DOT1L: variants seen among roughly 807,000 people sequenced by gnomAD.
DOT1L encodes DOT1 like histone lysine methyltransferase.
DOT1L carries 33 observed loss-of-function variants against 153.3 expected under a neutral mutation model. The ratio of observed to expected loss-of-function variants is 0.22; its 90% CI spans 0.16 to 0.29. The LOEUF is 0.29. Ranked by LOEUF, DOT1L falls within the 10% of genes least tolerant of loss-of-function variation. DOT1L has a pLI of 1.00. For synonymous variants in DOT1L, 1,135 were observed against 965.1 expected (o/e 1.18, Z -3.26); for missense variants, 1,847 against 2,119.9 (o/e 0.87, Z 2.53).
chr19:2,219,462 G>A (rs546857299), intron 22 of DOT1L, among the ~76,000 whole-genome samples: 184 of 152,322 alleles, frequency 1.2e-3, no homozygotes, highest in African/African-American at 4.2e-3. Context: ...CTCTTGGCAC[G>A]TGAGGGCATT....
At chr19:2,186,716 A>G (rs954330939) in intron 3 of DOT1L, among the ~76,000 whole-genome samples, 1 of 152,178 alleles carries the variant, frequency 6.6e-6, no homozygotes, top group Non-Finnish European at 1.5e-5. Context: ...AGCCCTGCCC[A>G]TTCCCTGGTC....
chr19:2,174,435 C>T (rs2021805432), intron 1 of DOT1L, among the ~76,000 whole-genome samples: 1 of 152,068 alleles, frequency 6.6e-6, no homozygotes, highest in Non-Finnish European at 1.5e-5. Context: ...ATCTGTAATC[C>T]CAGGACTTGG....
At chr19:2,229,328 C>T (rs934248120) in intron 27 of DOT1L, 31 of 985,444 alleles carry the variant, frequency 3.1e-5, no homozygotes, top group Middle Eastern at 1.0e-3. Flanking sequence ...TGGCCTTCTG[C>T]CTCAGGGGCC....
intron 22 of DOT1L, among the ~76,000 whole-genome samples, chr19:2,218,531 C>G (rs981209258): frequency 8.7e-5 from 12 of 137,700 alleles, no homozygotes; most frequent in Non-Finnish European, 1.7e-4. Flanking sequence ...GTAGCTGGGA[C>G]TACAGGCGCC....
Position 2,190,122 on chromosome 19 carries a change from C to T in DOT1L, c.264+327C>T, listed in dbSNP as rs935478625. Reference sequence around the variant, plus strand: ...GCAGAGGCGGGGTCCCTGTCCTCCCCGGGCTGTGTGAATGCCGGCCTTCCC... The same window carrying T: ...GCAGAGGCGGGGTCCCTGTCCTCCCTGGGCTGTGTGAATGCCGGCCTTCCC... On this transcript the variant is annotated intron_variant, in intron 4 of 27. Coordinates refer to ENST00000398665, the MANE Select transcript of DOT1L (RefSeq NM_032482.3). This position sits in a 1 kb window ranked among gnomAD's most constrained non-coding sequence, Gnocchi z 4.8. Among the ~76,000 whole-genome samples the T allele has an allele frequency of 1.3e-5, 2 of 152,034 alleles. No homozygotes were observed. Among genetic ancestry groups the T allele is most frequent in the Non-Finnish European group, 1.5e-5 (1 of 67,984 alleles).
chr19:2,175,524 T>A (rs1484227288), intron 1 of DOT1L, among the ~76,000 whole-genome samples: 1 of 152,186 alleles, frequency 6.6e-6, no homozygotes, highest in Admixed American at 6.6e-5. Flanking sequence ...TATCATTTTA[T>A]CATGTAATTA....
intron 15 of DOT1L, 69 bp downstream of exon 15, chr19:2,211,281 T>A: frequency 7.2e-7 from 1 of 1,379,984 alleles, no homozygotes; most frequent in Non-Finnish European, 9.9e-7. Context: ...CCGTGGGTTG[T>A]GACGCTGACC....
At chr19:2,165,721 A>G (rs762823160) in intron 1 of DOT1L, among the ~76,000 whole-genome samples, 15 of 152,072 alleles carry the variant, frequency 9.9e-5, no homozygotes, top group Middle Eastern at 3.4e-3. Context: ...CTGAAGATCA[A>G]TTGAGGTGGC....
Position 2,222,137 on chromosome 19 carries a change from C to T in DOT1L, c.2968C>T (p.Leu990=), listed in dbSNP as rs2144902692. Residue 990 remains leucine (L), a synonymous_variant, in exon 24 of 28, where the codon CTG becomes TTG. Transcript: ENST00000398665. This position sits in a 1 kb window ranked among gnomAD's most constrained non-coding sequence, Gnocchi z 6.5. ...SRSSTPQHPL[L]LAQPRNSLPA... is the part of the protein sequence containing the mutation. The stretch of plus-strand genomic sequence containing the variant: ...CAGCTCCACGCCACAGCACCCCCTG[C>T]TGCTGGCACAGCCCCGGAACTCGCT... The T allele has an allele frequency of 6.2e-7, 1 of 1,613,230 alleles. No homozygotes were observed. The highest frequency in any genetic ancestry group is 1.3e-5 in the African/African-American group (1 of 75,070).
chr19:2,216,646 G>T lies in DOT1L; in HGVS notation c.2289G>T (p.Leu763=), dbSNP rs376805051. ...TCGGCCGGCCGCGCCTGGAGAAGCT[G>T]TCTGGCCTAGCCGCACCCGACTACA... ...SHVGRPRLEK[L]SGLAAPDYTR... Residue 763 remains leucine (L), a synonymous_variant, in exon 20 of 28, where the codon CTG becomes CTT. Transcript: ENST00000398665. 6.2e-7 allele frequency: 1 copy of T among 1,605,328 alleles called. No homozygotes were observed. The highest frequency in any genetic ancestry group is 2.2e-5 in the East Asian group (1 of 44,876).
rs567228443 is a variant in DOT1L, at chr19:2,217,743, A to G, written c.2545-29A>G. On this transcript the variant is annotated intron_variant, in intron 21 of 27. Transcript: ENST00000398665. This position sits in a 1 kb window ranked among gnomAD's most constrained non-coding sequence, Gnocchi z 7.3. ...GTGTCCTGGAGGGGTTTGTTGACCC[A>G]CGACTGGGGGTCGGGCCTTCGTCTG... 6.3e-7 allele frequency: 1 copy of G among 1,583,200 alleles called. No homozygotes were observed. Among genetic ancestry groups the G allele is most frequent in the African/African-American group, 1.3e-5 (1 of 74,186 alleles).
chr19:2,225,089 G>C (rs993677858), intron 25 of DOT1L, among the ~76,000 whole-genome samples: 9 of 152,220 alleles, frequency 5.9e-5, no homozygotes, highest in Admixed American at 1.3e-4. Flanking sequence ...TCACACTTCT[G>C]TGTGCTGGGA....
chr19:2,201,310 A>C (rs1202050466), intron 8 of DOT1L, among the ~76,000 whole-genome samples: 1 of 111,568 alleles, frequency 9.0e-6, no homozygotes, highest in African/African-American at 3.5e-5. Flanking sequence ...TGTATTCCTC[A>C]TTCTCCCTGC....
chr19:2,225,372 C>CT lies in DOT1L; in HGVS notation c.3597-9dup. The CT allele has an allele frequency of 6.2e-7, 1 of 1,613,092 alleles. No individual in the cohort carries two copies. Among genetic ancestry groups the CT allele is most frequent in the Admixed American group, 1.7e-5 (1 of 60,018 alleles). On this transcript the variant is annotated splice_polypyrimidine_tract_variant and intron_variant, in intron 25 of 27. Transcript: ENST00000398665. ...CAGCTGGGTTTCAAGCATTAATGAC[C>CT]TTTTTTTCTTAACAGAATTGAGAGA...
chr19:2,228,089 C>T (rs183775300), intron 27 of DOT1L: 1 of 1,343,846 alleles, frequency 7.4e-7, no homozygotes, highest in African/African-American at 1.5e-5. Context: ...TCCCGCCTAA[C>T]CAAGCTTTCT....
chr19:2,216,167 C>T (rs1000828295), intron 19 of DOT1L, 114 bp from the exon 20 acceptor site: 6 of 1,443,772 alleles, frequency 4.2e-6, no homozygotes, highest in Non-Finnish European at 4.6e-6. Flanking sequence ...TTTTTCCATC[C>T]CACACAAGCA....
In DOT1L at chr19:2,214,612, G is replaced by A; in HGVS notation, c.1923+16G>A. ...GGAGCTGCAGGTGGGCTGCGCGCGA[G>A]GCTGCACTCCGTGGTGTCCGAGCCT... On this transcript the variant is annotated intron_variant, in intron 19 of 27. Coordinates refer to ENST00000398665, the MANE Select transcript of DOT1L (RefSeq NM_032482.3). 1.2e-6 allele frequency: 2 copies of A among 1,610,274 alleles called. No individual in the cohort carries two copies. The highest frequency in any genetic ancestry group is 1.7e-6 in the Non-Finnish European group (2 of 1,178,644).
intron 1 of DOT1L, among the ~76,000 whole-genome samples, chr19:2,170,482 C>G (rs2021554036): frequency 6.6e-6 from 1 of 152,164 alleles, no homozygotes; most frequent in African/African-American, 2.4e-5. Flanking sequence ...AGTTGCGGAA[C>G]CAGATACGGG....
rs1568322691 is a variant in DOT1L at position 2,167,085 on chromosome 19, C to CGT, written c.81+2823_81+2824dup. Reference sequence around the variant, plus strand: ...GGACAGTTGGGCCACAGATTGTTGACGTGTTTGCCTGTGGGTCACAGGACT... The same window carrying CGT: ...GGACAGTTGGGCCACAGATTGTTGACGTGTGTTTGCCTGTGGGTCACAGGACT... On this transcript the variant is annotated intron_variant, in intron 1 of 27. Transcript: ENST00000398665. Among the ~76,000 whole-genome samples the CGT allele has an allele frequency of 2.0e-5, 3 of 152,266 alleles. No homozygotes were observed. In the East Asian group the frequency reaches 5.8e-4, roughly 29 times the overall value.
Sources: allele counts gnomAD v4.1 joint callset (sites outside exome capture counted in the v4.1 genomes callset), GRCh38; gene constraint gnomAD v4.1.1; non-coding constraint Gnocchi (gnomAD v3.1); transcripts MANE v1.5; gene names NCBI Gene and HGNC (gene_info 2026-07-23, HGNC 2026-07-21).